Variants in DDX60 observed in about 807,000 individuals in gnomAD.
DDX60 encodes the protein DExD/H-box helicase 60.
DDX60 carries 165 observed loss-of-function variants against 212.8 expected under a neutral mutation model. The ratio of observed to expected loss-of-function variants is 0.78; its 90% CI spans 0.68 to 0.88. DDX60 has a LOEUF of 0.88. Among genes scored for constraint, DDX60 ranks in the 40% least tolerant of loss-of-function variants. The pLI, the probability that DDX60 is intolerant of heterozygous loss-of-function variation, is 0.00. For synonymous variants in DDX60, 703 were observed against 685.3 expected, an observed-to-expected ratio of 1.03 and a Z score of -0.40; for missense variants, 1,905 against 2,003.9, an observed-to-expected ratio of 0.95 and a Z score of 0.94.
At chr4:168,307,924 T>C in intron 4 of DDX60, 82 bp downstream of exon 4, 2 of 781,008 alleles carry the variant, frequency 2.6e-6, no homozygotes, top group African/African-American at 1.8e-5. Flanking sequence ...TACTTTGTAA[T>C]AAGAAAAATA....
intron 28 of DDX60, among the ~76,000 whole-genome samples, chr4:168,250,126 G>T (rs1239585520): frequency 6.6e-6 from 1 of 152,220 alleles, no homozygotes; most frequent in East Asian, 1.9e-4. Flanking sequence ...ACTTCAGTTT[G>T]AAAGTTATTT....
chr4:168,315,034 T>C (rs1737303569), intron 1 of DDX60, among the ~76,000 whole-genome samples: 1 of 152,208 alleles, frequency 6.6e-6, no homozygotes, highest in Non-Finnish European at 1.5e-5. Context: ...ATGAACACTG[T>C]TGGCCGACTA....
At position 168,225,692 on chromosome 4, in the gene DDX60, T is replaced by G; in HGVS notation, c.4534-16A>C. 1 of 1,606,342 alleles carries G rather than the reference T, an allele frequency of 6.2e-7. No homozygotes were observed. The highest frequency in any genetic ancestry group is 8.5e-7 in the Non-Finnish European group (1 of 1,177,502). The stretch of plus-strand genomic sequence containing the variant: ...CAAGGAACACCTAGAAGCCGAATAA[T>G]TTTCATAGAGATAGATCTATTTACC... On this transcript the variant is annotated splice_polypyrimidine_tract_variant and intron_variant, in intron 33 of 37. Coordinates refer to ENST00000393743, the MANE Select transcript of DDX60 (RefSeq NM_017631.6).
At chr4:168,270,875 C>CTTTTTTTTTTTTTTT (rs759054592) in intron 19 of DDX60, among the ~76,000 whole-genome samples, 2 of 110,878 alleles carry the variant, frequency 1.8e-5, no homozygotes, top group African/African-American at 3.7e-5. Flanking sequence ...TTCTTTCTTT[C>CTTTTTTTTTTTTTTT]TTTTTTTTTT....
At chr4:168,307,171 T>TA (rs1736920785) in intron 4 of DDX60, among the ~76,000 whole-genome samples, 1 of 152,174 alleles carries the variant, frequency 6.6e-6, no homozygotes, top group East Asian at 1.9e-4. Context: ...AACTAGATTG[T>TA]AAACATTAGA....
intron 33 of DDX60, among the ~76,000 whole-genome samples, chr4:168,230,457 T>A (rs1271699938): frequency 6.6e-6 from 1 of 152,024 alleles, no homozygotes; most frequent in Non-Finnish European, 1.5e-5. Context: ...AAAGACCATA[T>A]GATAGGCAAC....
At chr4:168,312,752 T>C (rs987606894) in intron 1 of DDX60, among the ~76,000 whole-genome samples, 1 of 70,386 alleles carries the variant, frequency 1.4e-5, no homozygotes, top group Admixed American at 1.3e-4. Context: ...ATAGATATGA[T>C]AGAGAGAGAG....
In DDX60 at chr4:168,273,334, T is replaced by C; in HGVS notation, c.2519A>G (p.Glu840Gly). ...NRFTKNLPSGEVLCGVFTREY... is the reference protein window; with the variant it reads ...NRFTKNLPSGGVLCGVFTREY... ...CCTGGTGAAAACACCACAGAGAACT[T>C]CACCACTTGGCAGATTTTTCGTAAA... Residue 840 changes from glutamate (E) to glycine (G), a missense_variant, in exon 18 of 38, where the codon GAA (glutamate) becomes GGA (glycine). By Grantham distance (98) the Glu-to-Gly change is moderately conservative (BLOSUM62 -2). Coordinates refer to ENST00000393743, the MANE Select transcript of DDX60 (RefSeq NM_017631.6). 1 of 1,613,940 alleles carries C rather than the reference T, an allele frequency of 6.2e-7. No homozygotes were observed. Among genetic ancestry groups the C allele is most frequent in the Admixed American group, 1.7e-5 (1 of 60,022 alleles).
intron 33 of DDX60, among the ~76,000 whole-genome samples, chr4:168,227,354 G>C (rs1313594254): frequency 6.6e-6 from 1 of 151,762 alleles, no homozygotes; most frequent in Non-Finnish European, 1.5e-5. Flanking sequence ...TTGCTATAAA[G>C]TCATTCACAA....
chr4:168,307,423 C>T (rs1179856453), intron 4 of DDX60, among the ~76,000 whole-genome samples: 1 of 151,648 alleles, frequency 6.6e-6, no homozygotes, highest in East Asian at 1.9e-4. Context: ...TTGGAAATAC[C>T]TCAAACAAAC....
intron 1 of DDX60, among the ~76,000 whole-genome samples, chr4:168,315,751 C>T (rs962179090): frequency 7.2e-5 from 11 of 152,262 alleles, no homozygotes; most frequent in Admixed American, 3.3e-4. Flanking sequence ...GCAAAGGACA[C>T]GAACTCATTC....
chr4:168,232,557 A>C (rs1733491432), intron 33 of DDX60, among the ~76,000 whole-genome samples: 1 of 152,120 alleles, frequency 6.6e-6, no homozygotes, highest in Non-Finnish European at 1.5e-5. Context: ...ATAAAGGCAA[A>C]TATTTACAGC....
chr4:168,284,718 C>G (rs1335306637), intron 12 of DDX60, 102 bp downstream of exon 12: 13 of 555,988 alleles, frequency 2.3e-5, no homozygotes, highest in Non-Finnish European at 2.7e-5. Flanking sequence ...TATTTTCATT[C>G]AAAAAAATTT....
chr4:168,249,694 T>C (rs1288797900), intron 28 of DDX60, among the ~76,000 whole-genome samples: 2 of 152,338 alleles, frequency 1.3e-5, no homozygotes, highest in East Asian at 3.9e-4. Flanking sequence ...TGTTTCTCTC[T>C]TCTATCAATT....
At chr4:168,314,272 A>C (rs1192990634) in intron 1 of DDX60, among the ~76,000 whole-genome samples, 1 of 152,054 alleles carries the variant, frequency 6.6e-6, no homozygotes, top group East Asian at 1.9e-4. Flanking sequence ...CATTTAAGGG[A>C]GAGACATGCT....
chr4:168,252,534 G>C lies in DDX60; in HGVS notation c.3680C>G (p.Ala1227Gly). 6.2e-7 allele frequency: 1 copy of C among 1,613,894 alleles called. No homozygotes were observed. The highest frequency in any genetic ancestry group is 1.3e-5 in the African/African-American group (1 of 75,020). ...NLEIPQDCTY[A>G]DQKAVDTETL... ...CTCAGTGTCCACTGCTTTTTGATCAGCATATGTGCAGTCCTGTGGGATTTC... is the reference window on the plus strand; with the variant it reads ...CTCAGTGTCCACTGCTTTTTGATCACCATATGTGCAGTCCTGTGGGATTTC... The change falls in exon 27 of 38, where the codon GCT becomes GGT. Residue 1227 changes from alanine to glycine, a missense_variant. Transcript: ENST00000393743.
At chr4:168,292,380 C>T (rs1400499332) in intron 7 of DDX60, among the ~76,000 whole-genome samples, 1 of 152,114 alleles carries the variant, frequency 6.6e-6, no homozygotes, top group East Asian at 1.9e-4. Context: ...TTTTTTAAGA[C>T]TTTCCTTTTC....
chr4:168,286,423 G>GAGATAGATAGATAGATAGATAGATAGAT (rs71977398), intron 10 of DDX60, among the ~76,000 whole-genome samples: 10 of 136,938 alleles, frequency 7.3e-5, no homozygotes, highest in African/African-American at 2.8e-4. Flanking sequence ...CACACCACAC[G>GAGATAGATAGATAGATAGATAGATAGAT]AGATAGATAG....
intron 20 of DDX60, among the ~76,000 whole-genome samples, chr4:168,268,549 T>G (rs1734949064): frequency 6.6e-6 from 1 of 152,096 alleles, no homozygotes; most frequent in Non-Finnish European, 1.5e-5. Context: ...TCATTTTATT[T>G]TTTATTTCTT....
Sources: allele counts gnomAD v4.1 joint callset (sites outside exome capture counted in the v4.1 genomes callset), GRCh38; gene constraint gnomAD v4.1.1; transcripts MANE v1.5; gene names NCBI Gene and HGNC (gene_info 2026-07-23, HGNC 2026-07-21).